Variants in HDAC9 observed in about 807,000 individuals in gnomAD.
The protein encoded by HDAC9 is histone deacetylase 9.
HDAC9 carries 41 observed loss-of-function variants against 139.4 expected under a neutral mutation model. The observed-to-expected ratio is 0.29, with a 90% CI of 0.23 to 0.38. The LOEUF is 0.38. Among genes scored for constraint, HDAC9 ranks in the 10% least tolerant of loss-of-function variants. The pLI is 1.00. For missense variants in HDAC9, 1,147 were observed against 1,297.0 expected, an observed-to-expected ratio of 0.88 and a Z score of 1.78; for synonymous variants, 517 against 476.2, an observed-to-expected ratio of 1.09 and a Z score of -1.12.
intron 2 of HDAC9, among the ~76,000 whole-genome samples, chr7:18,216,288 T>C (rs1792308127): frequency 6.6e-6 from 1 of 152,184 alleles, no homozygotes; most frequent in Non-Finnish European, 1.5e-5. Context: ...TCATTAAAGT[T>C]CATGGATTTC....
At chr7:18,413,385 C>A (rs574393603) in intron 1 of HDAC9, among the ~76,000 whole-genome samples, 7 of 152,246 alleles carry the variant, frequency 4.6e-5, no homozygotes, top group African/African-American at 1.7e-4. Context: ...TGGAGTCTAT[C>A]TCTGGATCCC....
intron 22 of HDAC9, among the ~76,000 whole-genome samples, chr7:18,880,371 A>G (rs1343454063): frequency 6.6e-6 from 1 of 152,184 alleles, no homozygotes; most frequent in Non-Finnish European, 1.5e-5. Context: ...TGTTCACTGC[A>G]GCACTATTCA....
At chr7:18,137,957 C>G (rs1785558021) in intron 1 of HDAC9, among the ~76,000 whole-genome samples, 1 of 151,488 alleles carries the variant, frequency 6.6e-6, no homozygotes, top group South Asian at 2.1e-4. Flanking sequence ...GGTTGGTAAG[C>G]TATTGATTAT....
At chr7:18,314,744 T>C (rs1799527224) in intron 1 of HDAC9, among the ~76,000 whole-genome samples, 1 of 152,212 alleles carries the variant, frequency 6.6e-6, no homozygotes, top group Non-Finnish European at 1.5e-5. Flanking sequence ...AATTATTTGA[T>C]GAGTAGATGC....
At chr7:18,216,044 A>G (rs1343105535) in intron 2 of HDAC9, among the ~76,000 whole-genome samples, 1 of 151,650 alleles carries the variant, frequency 6.6e-6, no homozygotes, top group Non-Finnish European at 1.5e-5. Context: ...AGTAAATACC[A>G]CAATTTTATT....
intron 2 of HDAC9, among the ~76,000 whole-genome samples, chr7:18,522,230 G>A (rs1399010702): frequency 6.6e-6 from 1 of 152,098 alleles, no homozygotes; most frequent in Non-Finnish European, 1.5e-5. Context: ...GTACAAAAAA[G>A]CACTTAGGGC....
At position 18,970,257 on chromosome 7, in the gene HDAC9, A is replaced by G. The variant is rs763765616; in HGVS notation, c.3023-5549A>G. On this transcript the variant is annotated intron_variant, in intron 24 of 25. Transcript: ENST00000686413. ...GCTACAAAACTGATTAACATGTGTG[A>G]TATTCAGCAGGAATAATAATTCTGC... is the stretch of plus-strand genomic sequence containing the variant. Among the ~76,000 whole-genome samples, 10 of 152,300 alleles carry G rather than the reference A, an allele frequency of 6.6e-5. No homozygotes were observed. In the Middle Eastern group the frequency reaches 0.014, roughly 207 times the overall value.
rs116074041 is a variant in HDAC9 at position 18,553,269 on chromosome 7, C to T, written c.23-32012C>T. ...CGCTCCTGCTACTTTTAACTCAGAA[C>T]TGTGTTTATTTGCCTGTGGCCTGTT... is the stretch of plus-strand genomic sequence containing the variant. On this transcript the variant is annotated intron_variant, in intron 2 of 25. Transcript: ENST00000686413. 4.2e-3 allele frequency among the ~76,000 whole-genome samples: 634 copies of T among 152,160 alleles called. 5 individuals are homozygous for T. The highest frequency in any genetic ancestry group is 0.014 in the African/African-American group (596 of 41,500).
chr7:18,175,246 G>T (rs1788794814), intron 2 of HDAC9, among the ~76,000 whole-genome samples: 1 of 152,202 alleles, frequency 6.6e-6, no homozygotes, highest in Admixed American at 6.5e-5. Flanking sequence ...GGTTCTGTGG[G>T]TGTGGGACCT....
rs575019170 is a variant in HDAC9, at chr7:18,421,864, A to G, written c.-41-74398A>G. 2.0e-5 allele frequency among the ~76,000 whole-genome samples: 3 copies of G among 152,294 alleles called. No individual in the cohort carries two copies. The East Asian group carries it at 5.8e-4, about 29-fold the overall frequency. ...ACTAAATCTTGAAAGGCTGGTGGTT[A>G]TTGTTTGTGGAAGCTGAGCCCTGGA... is the stretch of plus-strand genomic sequence containing the variant. On this transcript the variant is annotated intron_variant, in intron 1 of 3. Transcript: ENST00000413509.
intron 25 of HDAC9, among the ~76,000 whole-genome samples, chr7:18,989,266 C>CA (rs905825841): frequency 1.1e-4 from 16 of 150,038 alleles, no homozygotes; most frequent in African/African-American, 3.7e-4. Context: ...CTGGTGGTGA[C>CA]AAAATCTCTC....
chr7:18,850,582 A>T (rs1039742862), intron 21 of HDAC9, among the ~76,000 whole-genome samples: 9 of 152,162 alleles, frequency 5.9e-5, no homozygotes, highest in Non-Finnish European at 7.3e-5. Flanking sequence ...ATCCTTATGA[A>T]TTGGACATGA....
intron 1 of HDAC9, among the ~76,000 whole-genome samples, chr7:18,383,760 G>A (rs1785653900): frequency 6.6e-6 from 1 of 151,368 alleles, no homozygotes; most frequent in South Asian, 2.1e-4. Context: ...GTGGTGGCGG[G>A]CGTCTGCAGT....
chr7:18,966,369 G>C (rs1348870665), intron 24 of HDAC9, among the ~76,000 whole-genome samples: 1 of 152,198 alleles, frequency 6.6e-6, no homozygotes, highest in African/African-American at 2.4e-5. Flanking sequence ...CATGGTTGCT[G>C]TAGCTTGTGA....
chr7:18,532,697 C>T (rs190772305), intron 2 of HDAC9, among the ~76,000 whole-genome samples: 125 of 152,178 alleles, frequency 8.2e-4, no homozygotes, highest in African/African-American at 2.9e-3. Context: ...CAAAGTAAGT[C>T]ATGCATTTAG....
chr7:18,821,803 C>T (rs1363958719), intron 17 of HDAC9, among the ~76,000 whole-genome samples: 1 of 152,216 alleles, frequency 6.6e-6, no homozygotes, highest in African/African-American at 2.4e-5. Flanking sequence ...TCATCTGTGC[C>T]TCTGCCCAGT....
At chr7:18,823,764 A>G (rs111292017) in intron 17 of HDAC9, among the ~76,000 whole-genome samples, 6,138 of 151,998 alleles carry the variant, frequency 0.04, 157 homozygotes, top group Non-Finnish European at 0.06. Context: ...TGATCACTTG[A>G]GCTCAGGAGT....
intron 2 of HDAC9, among the ~76,000 whole-genome samples, chr7:18,545,294 C>G (rs1235595570): frequency 6.6e-6 from 1 of 150,600 alleles, no homozygotes; most frequent in African/African-American, 2.4e-5. Flanking sequence ...TAAATAATGT[C>G]TCTTTGTAAA....
At chr7:18,364,055 T>C (rs7788359) in intron 1 of HDAC9, among the ~76,000 whole-genome samples, 11,216 of 152,232 alleles carry the variant, frequency 0.074, 481 homozygotes, top group African/African-American at 0.11. Flanking sequence ...TTTCCCACAA[T>C]AGTTCATAAT....
Sources: allele counts gnomAD v4.1 joint callset (sites outside exome capture counted in the v4.1 genomes callset), GRCh38; gene constraint gnomAD v4.1.1; transcripts MANE v1.5; gene names NCBI Gene and HGNC (gene_info 2026-07-23, HGNC 2026-07-21).